WDR26: variants seen among roughly 807,000 people sequenced by gnomAD.
WDR26 encodes the protein WD repeat-containing protein 26.
WDR26 carries 5 observed loss-of-function variants against 84.1 expected under a neutral mutation model. The ratio of observed to expected loss-of-function variants is 0.06; its 90% CI spans 0.03 to 0.13. The LOEUF is 0.13. WDR26 is among the 10% of genes least tolerant of loss of function. The pLI is 1.00. For missense variants in WDR26, 642 were observed against 974.9 expected (o/e 0.66, Z 4.55); for synonymous variants, 415 against 389.6 (o/e 1.07, Z -0.77).
chr1:224,413,625 A>C (rs542016588), intron 6 of WDR26, among the ~76,000 whole-genome samples: 1 of 152,330 alleles, frequency 6.6e-6, no homozygotes, highest in Admixed American at 6.5e-5. Flanking sequence ...GAGGACAAAT[A>C]ATTTACCAGA....
Position 224,393,080 on chromosome 1 carries a change from G to C in WDR26, c.2260+748C>G, listed in dbSNP as rs778638452. Among the ~76,000 whole-genome samples, 15 of 152,130 alleles carry C rather than the reference G, an allele frequency of 9.9e-5. No homozygotes were observed. In the East Asian group the frequency reaches 2.5e-3, roughly 25 times the overall value. ...TATATCATGTTCAATTAAGTTTTTG[G>C]CTTTAACTGTTAGCCTTATATTTTG... On this transcript the variant is annotated intron_variant, in intron 13 of 13. Transcript: ENST00000414423.
intron 6 of WDR26, among the ~76,000 whole-genome samples, chr1:224,415,753 C>T (rs1481663032): frequency 6.6e-6 from 1 of 152,112 alleles, no homozygotes; most frequent in African/African-American, 2.4e-5. Flanking sequence ...AGCCACTGCA[C>T]CCGGCCTGGA....
chr1:224,421,253 A>G (rs994087256), intron 4 of WDR26, among the ~76,000 whole-genome samples: 1 of 152,196 alleles, frequency 6.6e-6, no homozygotes, highest in Admixed American at 6.5e-5. Flanking sequence ...AAGAGCAGGA[A>G]AAAAATCATC....
rs565936905 is a variant in WDR26, at chr1:224,396,473, C to G, written c.2074+1624G>C. On this transcript the variant is annotated intron_variant, in intron 12 of 13. Transcript: ENST00000414423. ...GACCACAGGAAAATTTAATTAGAAA[C>G]TAATGTCTATTATCTCCCGCGATAT... Among the ~76,000 whole-genome samples the G allele has an allele frequency of 8.3e-4, 127 of 152,242 alleles. 2 individuals carry two copies. Among genetic ancestry groups the G allele is most frequent in the Non-Finnish European group, 1.7e-3 (115 of 68,010 alleles).
intron 6 of WDR26, among the ~76,000 whole-genome samples, chr1:224,413,629 T>C (rs1392192589): frequency 2.6e-5 from 4 of 152,306 alleles, no homozygotes; most frequent in African/African-American, 9.6e-5. Flanking sequence ...ACAAATAATT[T>C]ACCAGATGTT....
chr1:224,422,618 G>A (rs1373901750), intron 4 of WDR26, among the ~76,000 whole-genome samples: 2 of 152,050 alleles, frequency 1.3e-5, no homozygotes, highest in Non-Finnish European at 2.9e-5. Context: ...AGGAGGCAAG[G>A]CTGAAGCATC....
rs1265462349 is a variant in WDR26 at position 224,398,958 on chromosome 1, G to A, written c.1796C>T (p.Thr599Ile). Residue 599 changes from threonine (T) to isoleucine (I), a missense_variant, in exon 10 of 14, where the codon ACT (threonine) becomes ATT (isoleucine). This residue lies in a region of WDR26 where 351 missense variants were observed against 672.8 expected (regional missense o/e 0.52). Transcript: ENST00000414423. The stretch of plus-strand genomic sequence containing the variant: ...CTGGTGTGTATCTGATGCCAGAACA[G>A]TCTTTCCATCACTCAAGCACCAAAG... The A allele has an allele frequency of 1.2e-6, 2 of 1,613,034 alleles. No individual in the cohort carries two copies.
intron 12 of WDR26, among the ~76,000 whole-genome samples, chr1:224,397,327 C>T (rs1673294704): frequency 6.6e-6 from 1 of 152,042 alleles, no homozygotes; most frequent in Non-Finnish European, 1.5e-5. Flanking sequence ...TTTATAGTAC[C>T]TAGAAATGTA....
At chr1:224,412,905 T>C (rs1201471801) in intron 6 of WDR26, 2 of 152,486 alleles carry the variant, frequency 1.3e-5, no homozygotes, top group Admixed American at 1.3e-4. Flanking sequence ...GTTATTTGAG[T>C]AGGCTGGGCA....
rs1455460194 is a variant in WDR26, at chr1:224,431,673, C to T, written c.822+9G>A. ...CAGCAGTCACACAGCTCTATATGCC[C>T]TACTTTACCTTATCCCAGTCTCCTT... On this transcript the variant is annotated intron_variant, in intron 2 of 13. Transcript: ENST00000414423. 1 of 1,613,076 alleles carries T rather than the reference C, an allele frequency of 6.2e-7. No homozygotes were observed. The highest frequency in any genetic ancestry group is 8.5e-7 in the Non-Finnish European group (1 of 1,179,216).
At chr1:224,391,185 G>A (rs1673114207) in intron 13 of WDR26, among the ~76,000 whole-genome samples, 1 of 151,552 alleles carries the variant, frequency 6.6e-6, no homozygotes, top group Admixed American at 6.6e-5. Context: ...TGACCAACAT[G>A]GAAAAACCCC....
intron 4 of WDR26, among the ~76,000 whole-genome samples, chr1:224,421,867 C>A (rs1420420501): frequency 1.3e-5 from 2 of 152,300 alleles, no homozygotes; most frequent in East Asian, 3.8e-4. Context: ...GTCCTGCTTT[C>A]TGAATTATTA....
At chr1:224,430,400 C>T (rs1674358414) in intron 3 of WDR26, 1 of 151,912 alleles carries the variant, frequency 6.6e-6, no homozygotes, top group South Asian at 2.1e-4. Context: ...TGCATTTATT[C>T]TTGCTTGTTT....
In WDR26 at chr1:224,431,595, T is replaced by C. The variant is rs1271326189; in HGVS notation, c.823-14A>G. 2 of 1,612,160 alleles carry C rather than the reference T, an allele frequency of 1.2e-6. No homozygotes were observed. Among genetic ancestry groups the C allele is most frequent in the Non-Finnish European group, 1.7e-6 (2 of 1,178,658 alleles). On this transcript the variant is annotated splice_polypyrimidine_tract_variant and intron_variant, in intron 2 of 13. Transcript: ENST00000414423. ...GTCATTTTCTGCCTGTAAAAATTGG[T>C]ATAAAAGAAAAACAGAAATGTCACA... is the stretch of plus-strand genomic sequence containing the variant.
At chr1:224,419,939 A>G (rs762027758) in intron 4 of WDR26, among the ~76,000 whole-genome samples, 1 of 152,146 alleles carries the variant, frequency 6.6e-6, no homozygotes, top group Non-Finnish European at 1.5e-5. Flanking sequence ...TGTAAGCACT[A>G]TTATTATTCT....
rs1437290696 is a variant in WDR26 at position 224,434,595 on chromosome 1, T to TC, written c.-191dup. The stretch of plus-strand genomic sequence containing the variant: ...TTCCCCCCCCCCTCCCGGAGGCAGC[T>TC]CGGGGTGCGCGGCCCGGGGGTCGCG... On this transcript the variant is annotated 5_prime_UTR_variant, in exon 1 of 14. Coordinates refer to ENST00000414423, the MANE Select transcript of WDR26 (RefSeq NM_001379403.1). 1 of 438,726 alleles carries TC rather than the reference T, an allele frequency of 2.3e-6. No individual in the cohort carries two copies. The highest frequency in any genetic ancestry group is 1.8e-4 in the East Asian group (1 of 5,620). The allele number at this position is 438,726 out of a possible 1,614,324, so 27.2% of individuals were successfully genotyped here. A position where few individuals can be genotyped will look rare whatever the true frequency, so the allele number is the denominator to read the frequency against.
At chr1:224,429,140 T>G (rs1674313829) in intron 3 of WDR26, among the ~76,000 whole-genome samples, 1 of 151,674 alleles carries the variant, frequency 6.6e-6, no homozygotes, top group Non-Finnish European at 1.5e-5. Flanking sequence ...CATGTGCCTG[T>G]AGTCCCAGCT....
rs187956557 is a variant in WDR26 at position 224,389,298 on chromosome 1, A to T, written c.*537T>A. 1 of 188,074 alleles carries T rather than the reference A, an allele frequency of 5.3e-6. No individual in the cohort carries two copies. The highest frequency in any genetic ancestry group is 1.1e-5 in the Non-Finnish European group (1 of 92,506). 11.7% of individuals were successfully genotyped at this position (188,074 alleles called of 1,614,324 possible). The stretch of plus-strand genomic sequence containing the variant: ...TCATCTGGATCAGTATATACTGCGC[A>T]ACGGGCAAGGCTAGAATCCATGAAC... On this transcript the variant is annotated 3_prime_UTR_variant, in exon 14 of 14. Coordinates refer to ENST00000414423, the MANE Select transcript of WDR26 (RefSeq NM_001379403.1).
At chr1:224,407,141 A>ATATAT (rs1553355668) in intron 7 of WDR26, among the ~76,000 whole-genome samples, 5 of 35,592 alleles carry the variant, frequency 1.4e-4, no homozygotes, top group African/African-American at 6.2e-4. Context: ...AAAAAAAAAA[A>ATATAT]AAAAAAAAAA....
Sources: gnomAD v4.1 joint callset for allele counts (sites outside exome capture counted in the v4.1 genomes callset) on GRCh38, gnomAD v4.1.1 for gene constraint, gnomAD v4.1.1 regional missense constraint, MANE v1.5 for transcripts, NCBI Gene and HGNC (gene_info 2026-07-23, HGNC 2026-07-21) for gene names.